Variants in FLG observed in about 807,000 individuals in gnomAD.
FLG encodes filaggrin, also known as epidermal filaggrin.
Under a neutral mutation model 3.8 loss-of-function variants are expected in FLG, and 6 were observed. That is an observed-to-expected ratio of 1.60 (90% CI 0.87 to 3.15). The LOEUF (loss-of-function observed/expected upper bound fraction) is 3.15. Among genes scored for constraint, FLG ranks in the 30% most tolerant of loss-of-function variants. The probability of loss-of-function intolerance (pLI) is 0.00; values close to 1 mark genes in which losing one functional copy is unlikely to be tolerated. For missense variants in FLG, 7,595 were observed against 5,050.9 expected (o/e 1.50, Z -15.27); for synonymous variants, 2,551 against 1,931.6 (o/e 1.32, Z -8.41).
chr1:152,311,773 T>C lies in FLG; in HGVS notation c.3113A>G (p.Gln1038Arg), dbSNP rs760938649. ...GTGTCTGGAGCTGTCTGCTGACTGC[T>C]GGTGGCGGGATCCGTGTCTTTCTCC... is the stretch of plus-strand genomic sequence containing the variant. ...SPGERHGSRH[Q>R]QSADSSRHSG... Residue 1038 changes from glutamine (Q) to arginine (R), a missense_variant, in exon 3 of 3, where the codon CAG (glutamine) becomes CGG (arginine). Physicochemically the swap from Gln to Arg is conservative, Grantham distance 43 (BLOSUM62 1). Transcript: ENST00000368799. The C allele has an allele frequency of 1.2e-6, 2 of 1,614,128 alleles. No homozygotes were observed. The highest frequency in any genetic ancestry group is 1.7e-6 in the Non-Finnish European group (2 of 1,180,022).
In FLG at chr1:152,304,058, G is replaced by C; in HGVS notation, c.10828C>G (p.Gln3610Glu). 3 of 1,613,232 alleles carry C rather than the reference G, an allele frequency of 1.9e-6. No homozygotes were observed. The highest frequency in any genetic ancestry group is 2.5e-6 in the Non-Finnish European group (3 of 1,179,958). Residue 3610 changes from glutamine (Q) to glutamate (E), a missense_variant, in exon 3 of 3, where the codon CAG becomes GAG. By Grantham distance (29) the Gln-to-Glu change is conservative. Coordinates refer to ENST00000368799, the MANE Select transcript of FLG (RefSeq NM_002016.2). ...THHAENSSGG[Q>E]AASSHEQARS... The stretch of plus-strand genomic sequence containing the variant: ...GCCTGTTCATGGGATGATGCAGCCT[G>C]TCCACCAGAGGAATTCTCTGCATGA...
rs750069248 is a variant in FLG, at chr1:152,304,610, C to T, written c.10276G>A (p.Ala3426Thr). 11 of 1,610,356 alleles carry T rather than the reference C, an allele frequency of 6.8e-6. 1 individual carries two copies. Among genetic ancestry groups the T allele is most frequent in the Middle Eastern group, 1.6e-4 (1 of 6,064 alleles). Residue 3426 changes from alanine to threonine, a missense_variant, in exon 3 of 3, where the codon GCG (alanine) becomes ACG (threonine). Coordinates refer to ENST00000368799, the MANE Select transcript of FLG (RefSeq NM_002016.2). ...ATGGTGTCCTGACCCTCTTGGGACGCTGAGTGCCTGGAGCTGTCTCGTGCC... is the reference window on the plus strand; with the variant it reads ...ATGGTGTCCTGACCCTCTTGGGACGTTGAGTGCCTGGAGCTGTCTCGTGCC... Reference protein sequence around the residue: ...EQARDSSRHSASQEGQDTIRG... With the variant: ...EQARDSSRHSTSQEGQDTIRG...
In FLG at chr1:152,304,498, T is replaced by A. The variant is rs1446264795; in HGVS notation, c.10388A>T (p.His3463Leu). Residue 3463 changes from histidine (H) to leucine (L), a missense_variant, in exon 3 of 3, where the codon CAT (histidine) becomes CTT (leucine). His to Leu is a moderately conservative substitution (Grantham distance 99, BLOSUM62 -3). Coordinates refer to ENST00000368799, the MANE Select transcript of FLG (RefSeq NM_002016.2). Reference protein sequence around the residue: ...SVDRSGHSGSHHSHTTSQGRS... With the variant: ...SVDRSGHSGSLHSHTTSQGRS... Reference sequence around the variant, plus strand: ...TCCCTGGGATGTGGTGTGGCTGTGATGGGACCCTGAGTGTCCAGACCTATC... The same window carrying A: ...TCCCTGGGATGTGGTGTGGCTGTGAAGGGACCCTGAGTGTCCAGACCTATC... 3 of 1,613,046 alleles carry A rather than the reference T, an allele frequency of 1.9e-6. No homozygotes were observed. Among genetic ancestry groups the A allele is most frequent in the Admixed American group, 3.3e-5 (2 of 59,904 alleles).
In FLG at chr1:152,313,787, C is replaced by G. The variant is rs1178741276; in HGVS notation, c.1099G>C (p.Gly367Arg). The change falls in exon 3 of 3, where the codon GGA becomes CGA. Residue 367 changes from glycine (G) to arginine (R), a missense_variant. Coordinates refer to ENST00000368799, the MANE Select transcript of FLG (RefSeq NM_002016.2). ...TGTTCATGGGATGATGCAGTCTGTC[C>G]ACGAGAGGAAGTCTCTGCGTGACGA... ...GTRHAETSSRGQTASSHEQAR... is the reference protein window; with the variant it reads ...GTRHAETSSRRQTASSHEQAR... The G allele has an allele frequency of 1.2e-6, 2 of 1,614,096 alleles. No homozygotes were observed. The highest frequency in any genetic ancestry group is 1.7e-6 in the Non-Finnish European group (2 of 1,180,014).
Position 152,306,266 on chromosome 1 carries a change from CT to C in FLG, c.8619del (p.Val2874SerfsTer18). On this transcript the variant is annotated frameshift_variant, in exon 3 of 3. Coordinates refer to ENST00000368799, the MANE Select transcript of FLG (RefSeq NM_002016.2). LOFTEE classifies it low-confidence loss of function (END_TRUNC). ...CTGGACCCCTCTGATTGTCCCTGGA[CT>C]GCCTGTGAGTGTCTAGAGATGTCGG... Reference protein sequence around the residue: ...THADISRHSQAVQGQSEGSRR... With the variant: ...THADISRHSQXVQGQSEGSRR... 1 of 1,605,238 alleles carries C rather than the reference CT, an allele frequency of 6.2e-7. No homozygotes were observed. The highest frequency in any genetic ancestry group is 1.1e-5 in the South Asian group (1 of 91,088).
At position 152,304,963 on chromosome 1, in the gene FLG, T is replaced by A. The variant is rs142877589; in HGVS notation, c.9923A>T (p.Gln3308Leu). The change falls in exon 3 of 3, where the codon CAG becomes CTG. Residue 3308 changes from glutamine to leucine, a missense_variant. Physicochemically the swap from Gln to Leu is moderately radical, Grantham distance 113 (BLOSUM62 -2). Coordinates refer to ENST00000368799, the MANE Select transcript of FLG (RefSeq NM_002016.2). ...PGERHGSRHQ[Q>L]SADSSRHSGI... ...TGAGTGTCTGGAGCTGTCTGCTGAC[T>A]GCTGGTGGCGGGATCCGTGTCTCTC... The A allele has an allele frequency of 3.7e-5, 59 of 1,613,976 alleles. No individual in the cohort carries two copies. The African/African-American group carries it at 6.8e-4, about 19-fold the overall frequency.
At chr1:152,323,420 A>G (rs569810633) in intron 1 of FLG, among the ~76,000 whole-genome samples, 9 of 151,898 alleles carry the variant, frequency 5.9e-5, no homozygotes, top group Admixed American at 1.3e-4. Context: ...TCTGTCCTGA[A>G]TATAAAAATA....
Position 152,307,931 on chromosome 1 carries a change from G to A in FLG, c.6955C>T (p.His2319Tyr). Reference sequence around the variant, plus strand: ...CCTGCACTTGATCTTGCCTGTTCATGGGATGATGCAGCCTGTCCACCAGAG... The same window carrying A: ...CCTGCACTTGATCTTGCCTGTTCATAGGATGATGCAGCCTGTCCACCAGAG... ...NSSGGQAASS[H>Y]EQARSSAGER... is the part of the protein sequence containing the mutation. The change falls in exon 3 of 3, where the codon CAT (histidine) becomes TAT (tyrosine). Residue 2319 changes from histidine (H) to tyrosine (Y), a missense_variant. His to Tyr is a moderately conservative substitution (Grantham distance 83). Coordinates refer to ENST00000368799, the MANE Select transcript of FLG (RefSeq NM_002016.2). 1 of 1,613,462 alleles carries A rather than the reference G, an allele frequency of 6.2e-7. No homozygotes were observed. Among genetic ancestry groups the A allele is most frequent in the South Asian group, 1.1e-5 (1 of 91,016 alleles).
In FLG at chr1:152,307,672, G is replaced by C. The variant is rs570868709; in HGVS notation, c.7214C>G (p.Ala2405Gly). Residue 2405 changes from alanine (A) to glycine (G), a missense_variant, in exon 3 of 3, where the codon GCA becomes GGA. By Grantham distance (60) the Ala-to-Gly change is moderately conservative (BLOSUM62 0). Transcript: ENST00000368799. ...SHQESTRGRSAGRSGRSGSFL... is the reference protein window; with the variant it reads ...SHQESTRGRSGGRSGRSGSFL... The stretch of plus-strand genomic sequence containing the variant: ...AGACCCTGAACGTCCAGACCTTCCT[G>C]CTGACCGGCCACGTGTGGACTCTTG... The C allele has an allele frequency of 3.1e-5, 50 of 1,612,582 alleles. No homozygotes were observed. Among genetic ancestry groups the C allele is most frequent in the Non-Finnish European group, 3.6e-5 (43 of 1,179,838 alleles).
chr1:152,310,413 T>C lies in FLG; in HGVS notation c.4473A>G (p.Gly1491=). The change falls in exon 3 of 3, where the codon GGA becomes GGG. Residue 1491 remains glycine (G), a synonymous_variant. Transcript: ENST00000368799. The part of the protein sequence containing the change: ...ASQDGQDTIR[G]HPGSSRGGRQ... ...TTCCTCCTCTGCTTGACCCCGGGTG[T>C]CCACGAATGGTGTCCTGACCGTCTT... 1.2e-6 allele frequency: 2 copies of C among 1,613,512 alleles called. No individual in the cohort carries two copies. The highest frequency in any genetic ancestry group is 1.7e-6 in the Non-Finnish European group (2 of 1,179,830).
rs781111876 is a variant in FLG at position 152,313,047 on chromosome 1, T to C, written c.1839A>G (p.Thr613=). 1.2e-6 allele frequency: 2 copies of C among 1,614,028 alleles called. No individual in the cohort carries two copies. The highest frequency in any genetic ancestry group is 1.7e-6 in the Non-Finnish European group (2 of 1,180,018). The change falls in exon 3 of 3, where the codon ACA becomes ACG. Residue 613 remains threonine (T), a synonymous_variant. Coordinates refer to ENST00000368799, the MANE Select transcript of FLG (RefSeq NM_002016.2). The part of the protein sequence containing the change: ...VGQGQSSGPR[T]SRNQGSSVSQ... ...TAACACTGGATCCCTGGTTCCTACT[T>C]GTCCTGGGCCCCGATGATTGTCCCT... is the stretch of plus-strand genomic sequence containing the variant.
In FLG at chr1:152,313,810, C is replaced by A. The variant is rs764222741; in HGVS notation, c.1076G>T (p.Arg359Leu). 1.4e-5 allele frequency: 23 copies of A among 1,614,096 alleles called. No homozygotes were observed. The South Asian group carries it at 1.6e-4, about 12-fold the overall frequency. Residue 359 changes from arginine (R) to leucine (L), a missense_variant, in exon 3 of 3, where the codon CGT (arginine) becomes CTT (leucine). Physicochemically the swap from Arg to Leu is moderately radical, Grantham distance 102. Coordinates refer to ENST00000368799, the MANE Select transcript of FLG (RefSeq NM_002016.2). ...SADSSRQSGT[R>L]HAETSSRGQT... ...TCCACGAGAGGAAGTCTCTGCGTGA[C>A]GAGTGCCTGATTGTCTGGAGCTGTC...
In FLG at chr1:152,303,183, G is replaced by C. The variant is rs1239224784; in HGVS notation, c.11703C>G (p.His3901Gln). The C allele has an allele frequency of 1.9e-6, 3 of 1,614,138 alleles. No homozygotes were observed. ...CTGTATCGCGGTGAGAGGATCCGGG[G>C]TGTCTGGAGCCATCTCTTGACTGCT... Reference protein sequence around the residue: ...SREQSRDGSRHPGSSHRDTAS... With the variant: ...SREQSRDGSRQPGSSHRDTAS... Residue 3901 changes from histidine to glutamine, a missense_variant, in exon 3 of 3, where the codon CAC (histidine) becomes CAG (glutamine). Physicochemically the swap from His to Gln is conservative, Grantham distance 24. Coordinates refer to ENST00000368799, the MANE Select transcript of FLG (RefSeq NM_002016.2).
In FLG at chr1:152,310,999, C is replaced by T. The variant is rs765618972; in HGVS notation, c.3887G>A (p.Gly1296Glu). 4.3e-6 allele frequency: 7 copies of T among 1,613,878 alleles called. No homozygotes were observed. In the South Asian group the frequency reaches 7.7e-5, roughly 18 times the overall value. ...ATCTCTTGACTGCTCCCGAGAAGAT[C>T]CATGATGGTTTCTGGAAGCAGACCC... The part of the protein sequence containing the change: ...LSGSASRNHH[G>E]SSREQSRDGS... The change falls in exon 3 of 3, where the codon GGA becomes GAA. Residue 1296 changes from glycine to glutamate, a missense_variant. Transcript: ENST00000368799.
Position 152,309,476 on chromosome 1 carries a change from A to C in FLG, c.5410T>G (p.Ser1804Ala), listed in dbSNP as rs1425171698. Reference protein sequence around the residue: ...HEQARDSSRHSASQEGQDTIR... With the variant: ...HEQARDSSRHAASQEGQDTIR... ...GTGTCCTGACCCTCTTGGGACGCTG[A>C]GTGCCTGGAGCTGTCTCGTGCCTGC... Residue 1804 changes from serine (S) to alanine (A), a missense_variant, in exon 3 of 3, where the codon TCA (serine) becomes GCA (alanine). Transcript: ENST00000368799. The C allele has an allele frequency of 1.2e-6, 2 of 1,613,604 alleles. No individual in the cohort carries two copies. Among genetic ancestry groups the C allele is most frequent in the Admixed American group, 1.7e-5 (1 of 59,962 alleles).
Position 152,303,576 on chromosome 1 carries a change from C to T in FLG, c.11310G>A (p.Gln3770=), listed in dbSNP as rs1651734442. Residue 3770 remains glutamine, a synonymous_variant, in exon 3 of 3, where the codon CAG becomes CAA. Coordinates refer to ENST00000368799, the MANE Select transcript of FLG (RefSeq NM_002016.2). ...GHPGSRRGGR[Q]GSYHEQSVDR... ...CTACCGATTGCTCGTGGTAGGATCC[C>T]TGTCTTCCTCCTCTCCTTGACCCCG... is the stretch of plus-strand genomic sequence containing the variant. The T allele has an allele frequency of 6.2e-7, 1 of 1,614,104 alleles. No individual in the cohort carries two copies.
At position 152,314,166 on chromosome 1, in the gene FLG, C is replaced by G. The variant is rs1652674964; in HGVS notation, c.720G>C (p.Gln240His). ...TATCAGTGGTGTCATAGGCTTCATC[C>G]TGGATTGTGTAATATGTGGCAATAT... ...SGHIATYYTIQDEAYDTTDSL... is the reference protein window; with the variant it reads ...SGHIATYYTIHDEAYDTTDSL... Residue 240 changes from glutamine (Q) to histidine (H), a missense_variant, in exon 3 of 3, where the codon CAG becomes CAC. Gln to His is a conservative substitution (Grantham distance 24, BLOSUM62 0). Coordinates refer to ENST00000368799, the MANE Select transcript of FLG (RefSeq NM_002016.2). 5 of 1,614,134 alleles carry G rather than the reference C, an allele frequency of 3.1e-6. No homozygotes were observed. The highest frequency in any genetic ancestry group is 1.3e-5 in the African/African-American group (1 of 75,024).
rs150406394 is a variant in FLG, at chr1:152,311,905, C to T, written c.2981G>A (p.Gly994Asp). The T allele has an allele frequency of 1.1e-5, 18 of 1,614,128 alleles. No homozygotes were observed. In the South Asian group the frequency reaches 1.3e-4, roughly 12 times the overall value. The change falls in exon 3 of 3, where the codon GGT becomes GAT. Residue 994 changes from glycine to aspartate, a missense_variant. By Grantham distance (94) the Gly-to-Asp change is moderately conservative. Transcript: ENST00000368799. Reference sequence around the variant, plus strand: ...GGAGCTGTCTGCAGAGTGCCCGTGACCGGCTCTGTCTTCGTGATGGGACCT... The same window carrying T: ...GGAGCTGTCTGCAGAGTGCCCGTGATCGGCTCTGTCTTCGTGATGGGACCT... ...HPRSHHEDRA[G>D]HGHSADSSRQ...
rs1060499587 is a variant in FLG at position 152,313,982 on chromosome 1, CCCTGT to C, written c.899_903del (p.Asp300GlyfsTer3). The C allele has an allele frequency of 4.3e-6, 7 of 1,614,224 alleles. No individual in the cohort carries two copies. The highest frequency in any genetic ancestry group is 5.9e-6 in the Non-Finnish European group (7 of 1,180,026). ...GAGTCTTCTGAGTGTCCCTCACTGT[CCCTGT>C]CCTGGCTAACTCTGGATCCCCTACG... On this transcript the variant is annotated frameshift_variant, in exon 3 of 3. Coordinates refer to ENST00000368799, the MANE Select transcript of FLG (RefSeq NM_002016.2). LOFTEE classifies it low-confidence loss of function (END_TRUNC).
Sources: allele counts gnomAD v4.1 joint callset (sites outside exome capture counted in the v4.1 genomes callset), GRCh38; gene constraint gnomAD v4.1.1; transcripts MANE v1.5; gene names NCBI Gene and HGNC (gene_info 2026-07-23, HGNC 2026-07-21).